The following COG6 variants were observed in gnomAD, a reference collection of about 807,000 sequenced individuals.
COG6 encodes component of oligomeric golgi complex 6.
COG6 carries 74 observed loss-of-function variants against 88.8 expected under a neutral mutation model. The ratio of observed to expected loss-of-function variants is 0.83; its 90% CI spans 0.69 to 1.01. COG6 has a LOEUF of 1.01. COG6 is among the 50% of genes least tolerant of loss of function. The pLI, the probability that COG6 is intolerant of heterozygous loss-of-function variation, is 0.00. For synonymous variants in COG6, 286 were observed against 278.7 expected (o/e 1.03, Z -0.26); for missense variants, 800 against 797.9 (o/e 1.00, Z -0.03).
At chr13:39,753,190 G>T (rs1880724638), downstream of COG6, among the ~76,000 whole-genome samples, 1 of 152,144 alleles carries the variant, frequency 6.6e-6, no homozygotes, top group South Asian at 2.1e-4. Flanking sequence ...TGATTAGATT[G>T]TCAGGATGAA....
chr13:39,706,255 TTATATA>T lies in COG6; in HGVS notation c.1284+6655_1284+6660del, dbSNP rs71298976. On this transcript the variant is annotated intron_variant, in intron 13 of 18. Transcript: ENST00000455146. ...CTCCTTTATATATATATATACTCCT[TTATATA>T]TATATATATATATATATTTAAATAT... 7.8e-5 allele frequency among the ~76,000 whole-genome samples: 9 copies of T among 114,672 alleles called. 1 individual carries two copies. Among genetic ancestry groups the T allele is most frequent in the Non-Finnish European group, 1.1e-4 (6 of 55,182 alleles). 75.2% of individuals were successfully genotyped at this position (114,672 alleles called of 152,430 possible).
chr13:39,656,052 G>A, intron 1 of COG6, 173 bp downstream of exon 1: 1 of 831,914 alleles, frequency 1.2e-6, no homozygotes, highest in Non-Finnish European at 2.0e-6. Context: ...GCGGTGAGAA[G>A]GGGGAGCCCC....
intron 18 of COG6, among the ~76,000 whole-genome samples, chr13:39,785,872 G>A (rs2138193112): frequency 6.6e-6 from 1 of 152,250 alleles, no homozygotes; most frequent in South Asian, 2.1e-4. Flanking sequence ...AGAGTACTTG[G>A]AGGATGGAGG....
At position 39,727,452 on chromosome 13, in the gene COG6, TTC is replaced by T. The variant is rs1313689139; in HGVS notation, c.1747-13_1747-12del. 1.3e-6 allele frequency: 2 copies of T among 1,582,662 alleles called. No individual in the cohort carries two copies. The highest frequency in any genetic ancestry group is 3.3e-5 in the Admixed American group (2 of 59,974). On this transcript the variant is annotated splice_polypyrimidine_tract_variant and intron_variant, in intron 17 of 18. Transcript: ENST00000455146. ...CATATATGTACTTTATATTTTGTAT[TTC>T]TCTGTTTCATTTAGGTTCAGTTTGA...
chr13:39,704,499 A>C (rs1877773362), intron 13 of COG6, among the ~76,000 whole-genome samples: 1 of 152,192 alleles, frequency 6.6e-6, no homozygotes, highest in Admixed American at 6.5e-5. Flanking sequence ...GAAGTGAATC[A>C]TCATAAAGGT....
At chr13:39,727,415 T>A in intron 17 of COG6, 54 bp from the exon 18 acceptor site, 1 of 1,268,636 alleles carries the variant, frequency 7.9e-7, no homozygotes, top group Non-Finnish European at 1.2e-6. Flanking sequence ...ATATTTGAGT[T>A]GTTTGTTAGC....
In COG6 at chr13:39,665,081, T is replaced by C. The variant is rs879305425; in HGVS notation, c.370-15T>C. ...AATTGGAATTTACTTATATTAGATA[T>C]GTTTATAATTTTAGGCAGCAAAGGA... On this transcript the variant is annotated splice_polypyrimidine_tract_variant and intron_variant, in intron 3 of 18. Coordinates refer to ENST00000455146, the MANE Select transcript of COG6 (RefSeq NM_020751.3). 1.7e-6 allele frequency: 2 copies of C among 1,189,494 alleles called. No individual in the cohort carries two copies. Among genetic ancestry groups the C allele is most frequent in the South Asian group, 1.2e-5 (1 of 80,934 alleles). 73.7% of individuals were successfully genotyped at this position (1,189,494 alleles called of 1,614,324 possible). A position where few individuals can be genotyped will look rare whatever the true frequency, so the allele number is the denominator to read the frequency against.
chr13:39,747,439 C>A (rs574422413), intron 18 of COG6, among the ~76,000 whole-genome samples: 15 of 152,076 alleles, frequency 9.9e-5, no homozygotes, highest in African/African-American at 2.9e-4. Flanking sequence ...TGCTTTTTTT[C>A]CTTCCTCCTT....
At chr13:39,656,354 T>C (rs996104147) in intron 1 of COG6, 4 of 349,902 alleles carry the variant, frequency 1.1e-5, no homozygotes, top group African/African-American at 6.4e-5. Flanking sequence ...GTGACAACAA[T>C]TGCAATAATT....
intron 18 of COG6, among the ~76,000 whole-genome samples, chr13:39,728,583 ATAT>A (rs1879264105): frequency 6.6e-6 from 1 of 151,644 alleles, no homozygotes; most frequent in Non-Finnish European, 1.5e-5. Context: ...ATTCTAAAAG[ATAT>A]TATACTATTT....
downstream of COG6, among the ~76,000 whole-genome samples, chr13:39,754,237 T>C (rs1880760510): frequency 6.6e-6 from 1 of 152,174 alleles, no homozygotes; most frequent in South Asian, 2.1e-4. Context: ...ATCCTTCCTT[T>C]AGGGATTTGT....
chr13:39,762,767 T>TG (rs1439220009), intron 18 of COG6, among the ~76,000 whole-genome samples: 11 of 151,258 alleles, frequency 7.3e-5, no homozygotes, highest in Admixed American at 1.3e-4. Context: ...AAGAGTTTTT[T>TG]TTTTTTTTTT....
intron 18 of COG6, among the ~76,000 whole-genome samples, chr13:39,780,044 A>C (rs1881582576): frequency 6.6e-6 from 1 of 152,242 alleles, no homozygotes; most frequent in South Asian, 2.1e-4. Context: ...AATAATTGCT[A>C]TCTGCTCCAG....
Position 39,719,210 on chromosome 13 carries a change from A to G in COG6, c.1285-26A>G, listed in dbSNP as rs767701584. 6.8e-6 allele frequency: 11 copies of G among 1,609,578 alleles called. No homozygotes were observed. In the African/African-American group the frequency reaches 1.5e-4, roughly 22 times the overall value. ...AAAATTTAGTGGAAAAAATATAAGG[A>G]GTGGGTAAATCATCTCTTGTTTTAG... On this transcript the variant is annotated intron_variant, in intron 13 of 18. Coordinates refer to ENST00000455146, the MANE Select transcript of COG6 (RefSeq NM_020751.3).
chr13:39,735,019 AG>A (rs1879659853), intron 18 of COG6, among the ~76,000 whole-genome samples: 1 of 151,298 alleles, frequency 6.6e-6, no homozygotes, highest in African/African-American at 2.4e-5. Flanking sequence ...TTTTTTTTGT[AG>A]GCAACAGATT....
At chr13:39,731,898 A>G (rs1593459083) in intron 18 of COG6, among the ~76,000 whole-genome samples, 2 of 152,208 alleles carry the variant, frequency 1.3e-5, no homozygotes, top group East Asian at 3.9e-4. Context: ...GAGACCTCAG[A>G]AAGTCCAAAC....
At chr13:39,752,754 C>A, downstream of COG6, 1 of 848,766 alleles carries the variant, frequency 1.2e-6, no homozygotes, top group Non-Finnish European at 1.5e-6. Flanking sequence ...GAAAGACTCA[C>A]AGGAAAAATG....
At chr13:39,656,192 C>A in intron 1 of COG6, 1 of 536,986 alleles carries the variant, frequency 1.9e-6, no homozygotes. Flanking sequence ...CCCCTGGAGG[C>A]GTTTGGCTGT....
At chr13:39,781,558 A>G (rs931005728) in intron 18 of COG6, among the ~76,000 whole-genome samples, 1 of 151,876 alleles carries the variant, frequency 6.6e-6, no homozygotes, top group Admixed American at 6.6e-5. Context: ...GCTTGACACA[A>G]TGCAGGCTTT....
Sources: gnomAD v4.1 joint callset for allele counts (sites outside exome capture counted in the v4.1 genomes callset) on GRCh38, gnomAD v4.1.1 for gene constraint, MANE v1.5 for transcripts, NCBI Gene and HGNC (gene_info 2026-07-23, HGNC 2026-07-21) for gene names.